The following LRRTM4 variants were observed in gnomAD, a reference collection of about 807,000 sequenced individuals.
The protein encoded by LRRTM4 is leucine rich repeat transmembrane neuronal 4.
LRRTM4 carries 25 observed loss-of-function variants against 47.6 expected under a neutral mutation model. The ratio of observed to expected loss-of-function variants is 0.53; its 90% CI spans 0.38 to 0.73. The LOEUF (loss-of-function observed/expected upper bound fraction) is 0.73. Among genes scored for constraint, LRRTM4 ranks in the 30% least tolerant of loss-of-function variants. The probability of loss-of-function intolerance (pLI) is 0.00; values close to 1 mark genes in which losing one functional copy is unlikely to be tolerated. For missense variants in LRRTM4, 638 were observed against 713.4 expected (o/e 0.89, Z 1.20); for synonymous variants, 311 against 269.5 (o/e 1.15, Z -1.51).
intron 3 of LRRTM4, among the ~76,000 whole-genome samples, chr2:77,420,603 T>C (rs1674835951): frequency 6.6e-6 from 1 of 151,258 alleles, no homozygotes; most frequent in African/African-American, 2.4e-5. Context: ...GAAATGGAAA[T>C]ATGACTTCGT....
intron 3 of LRRTM4, among the ~76,000 whole-genome samples, chr2:77,337,079 T>C (rs1435268441): frequency 6.6e-6 from 1 of 152,008 alleles, no homozygotes; most frequent in East Asian, 1.9e-4. Context: ...ACCAATAACA[T>C]TCAAGCTGAG....
intron 3 of LRRTM4, among the ~76,000 whole-genome samples, chr2:76,844,918 A>G (rs1671794842): frequency 6.6e-6 from 1 of 152,172 alleles, no homozygotes; most frequent in Non-Finnish European, 1.5e-5. Flanking sequence ...ACCAATCAAA[A>G]GGCGGTAATG....
At chr2:77,413,793 T>G (rs1674532264) in intron 3 of LRRTM4, among the ~76,000 whole-genome samples, 1 of 152,038 alleles carries the variant, frequency 6.6e-6, no homozygotes, top group Non-Finnish European at 1.5e-5. Flanking sequence ...GGACATAAGT[T>G]TCATAAGTAG....
intron 3 of LRRTM4, among the ~76,000 whole-genome samples, chr2:77,188,729 A>G (rs1436272757): frequency 3.3e-5 from 5 of 152,130 alleles, no homozygotes; most frequent in Non-Finnish European, 7.3e-5. Flanking sequence ...CCATCTTTTC[A>G]ATAGAATGTC....
intron 3 of LRRTM4, among the ~76,000 whole-genome samples, chr2:77,033,686 T>C (rs1004687138): frequency 2.6e-5 from 4 of 151,932 alleles, no homozygotes; most frequent in Non-Finnish European, 4.4e-5. Context: ...AAAGTCAACA[T>C]AGAGCTAAGA....
chr2:77,447,812 A>G (rs1676111274), intron 3 of LRRTM4, among the ~76,000 whole-genome samples: 1 of 152,180 alleles, frequency 6.6e-6, no homozygotes, highest in African/African-American at 2.4e-5. Context: ...GGCATGTTAT[A>G]GCAGACCCCG....
chr2:77,401,818 C>T (rs1673970847), intron 3 of LRRTM4, among the ~76,000 whole-genome samples: 1 of 151,888 alleles, frequency 6.6e-6, no homozygotes, highest in African/African-American at 2.4e-5. Context: ...AAGTCTGTAA[C>T]TTGTATCTTC....
At position 77,411,014 on chromosome 2, in the gene LRRTM4, A is replaced by C. The variant is rs190409085; in HGVS notation, c.1551+107304T>G. Among the ~76,000 whole-genome samples, 504 of 152,364 alleles carry C rather than the reference A, an allele frequency of 3.3e-3. 5 individuals are homozygous for C. Among genetic ancestry groups the C allele is most frequent in the African/African-American group, 0.011 (441 of 41,588 alleles). Reference sequence around the variant, plus strand: ...ACGAGAATCTTATTTTCAAGATTATAATCTACCTGGAACAATAAATCCTGA... The same window carrying C: ...ACGAGAATCTTATTTTCAAGATTATCATCTACCTGGAACAATAAATCCTGA... On this transcript the variant is annotated intron_variant, in intron 3 of 3. Transcript: ENST00000409884.
chr2:77,106,028 T>G (rs942129803), intron 3 of LRRTM4, among the ~76,000 whole-genome samples: 1 of 152,176 alleles, frequency 6.6e-6, no homozygotes, highest in African/African-American at 2.4e-5. Flanking sequence ...GATTCTATCC[T>G]GGGGCCTTTG....
chr2:77,395,051 T>C (rs901097912), intron 3 of LRRTM4, among the ~76,000 whole-genome samples: 3 of 151,844 alleles, frequency 2.0e-5, no homozygotes, highest in African/African-American at 7.3e-5. Flanking sequence ...AGTGTAAGGG[T>C]GTGTGAATTA....
chr2:77,278,809 G>C (rs1005101456), intron 3 of LRRTM4, among the ~76,000 whole-genome samples: 1 of 151,844 alleles, frequency 6.6e-6, no homozygotes, highest in Non-Finnish European at 1.5e-5. Context: ...GTTATCCTTT[G>C]GCAAGTATTA....
chr2:76,853,189 G>A (rs1339829018), intron 3 of LRRTM4, among the ~76,000 whole-genome samples: 1 of 152,074 alleles, frequency 6.6e-6, no homozygotes, highest in Non-Finnish European at 1.5e-5. Context: ...ATAACGCTGG[G>A]TACAGTGTGG....
chr2:77,320,692 T>C (rs1677762248), intron 3 of LRRTM4, among the ~76,000 whole-genome samples: 1 of 152,124 alleles, frequency 6.6e-6, no homozygotes, highest in Non-Finnish European at 1.5e-5. Context: ...AGAAATCTTA[T>C]ATTCATGGTT....
At chr2:77,205,120 C>T (rs1674085702) in intron 3 of LRRTM4, among the ~76,000 whole-genome samples, 3 of 152,222 alleles carry the variant, frequency 2.0e-5, no homozygotes, top group African/African-American at 7.2e-5. Flanking sequence ...GCAACATACA[C>T]ATGTAGTGCA....
intron 3 of LRRTM4, among the ~76,000 whole-genome samples, chr2:76,794,809 C>A (rs1362497816): frequency 1.3e-5 from 2 of 151,778 alleles, no homozygotes; most frequent in Non-Finnish European, 3.0e-5. Flanking sequence ...TAGCATCAAT[C>A]CCCCAAGTCA....
At chr2:77,316,386 A>G (rs1344045059) in intron 3 of LRRTM4, among the ~76,000 whole-genome samples, 1 of 152,182 alleles carries the variant, frequency 6.6e-6, no homozygotes, top group African/African-American at 2.4e-5. Context: ...TTCTATGTCA[A>G]CTGTAAAGTT....
chr2:77,518,017 T>C, intron 3 of LRRTM4: 2 of 1,104,782 alleles, frequency 1.8e-6, no homozygotes, highest in Non-Finnish European at 2.2e-6. Flanking sequence ...TTTGTTTGTA[T>C]GTGTGTTTTT....
intron 3 of LRRTM4, among the ~76,000 whole-genome samples, chr2:77,228,412 G>C (rs1674872198): frequency 6.6e-6 from 1 of 152,110 alleles, no homozygotes; most frequent in African/African-American, 2.4e-5. Flanking sequence ...AAAGGAATGG[G>C]TTTGGCGAAG....
intron 3 of LRRTM4, among the ~76,000 whole-genome samples, chr2:77,371,624 T>C (rs756221852): frequency 1.8e-4 from 27 of 151,732 alleles, no homozygotes; most frequent in Non-Finnish European, 3.1e-4. Flanking sequence ...CTTCTTGCTC[T>C]AAGCCATGCT....
Sources: allele counts gnomAD v4.1 joint callset (sites outside exome capture counted in the v4.1 genomes callset), GRCh38; gene constraint gnomAD v4.1.1; transcripts MANE v1.5; gene names NCBI Gene and HGNC (gene_info 2026-07-23, HGNC 2026-07-21).